Variants in QRICH1 observed in about 807,000 individuals in gnomAD.
QRICH1 encodes the protein glutamine rich 1, also known as transcriptional regulator QRICH1.
QRICH1 carries 16 observed loss-of-function variants against 87.1 expected under a neutral mutation model. The observed-to-expected ratio is 0.18, with a 90% confidence interval of 0.12 to 0.28. QRICH1 has a LOEUF of 0.28. Ranked by LOEUF, QRICH1 falls within the 10% of genes least tolerant of loss-of-function variation. The probability of loss-of-function intolerance (pLI) is 1.00; values close to 1 mark genes in which losing one functional copy is unlikely to be tolerated. For missense variants in QRICH1, 647 were observed against 951.7 expected, an observed-to-expected ratio of 0.68 and a Z score of 4.21; for synonymous variants, 367 against 368.4, an observed-to-expected ratio of 1.00 and a Z score of 0.05.
Position 49,057,396 on chromosome 3 carries a change from C to A in QRICH1, c.804G>T (p.Val268=), listed in dbSNP as rs1158649132. The A allele has an allele frequency of 1.2e-6, 2 of 1,614,160 alleles. No homozygotes were observed. Among genetic ancestry groups the A allele is most frequent in the African/African-American group, 1.3e-5 (1 of 75,050 alleles). Residue 268 remains valine, a synonymous_variant, in exon 3 of 10, where the codon GTG becomes GTT. Transcript: ENST00000395443. This position sits in a 1 kb window ranked among gnomAD's most constrained non-coding sequence, Gnocchi z 5.4. ...GCTGCTGGCCCTGTGGAATGGCCAGCACGGTGGCCACCGGCTGCCCTGAGA... is the reference window on the plus strand; with the variant it reads ...GCTGCTGGCCCTGTGGAATGGCCAGAACGGTGGCCACCGGCTGCCCTGAGA... The part of the protein sequence containing the change: ...YAISGQPVAT[V]LAIPQGQQQS...
chr3:49,030,292 G>T lies in QRICH1; in HGVS notation c.*160C>A. 2 of 694,212 alleles carry T rather than the reference G, an allele frequency of 2.9e-6. No homozygotes were observed. Among genetic ancestry groups the T allele is most frequent in the Non-Finnish European group, 2.3e-6 (1 of 433,048 alleles). 43.0% of individuals were successfully genotyped at this position (694,212 alleles called of 1,614,324 possible). ...GCAGCAGGTTTATGAAGATGCAAAG[G>T]GGGCAAAGTTTTCTTTTATATTTTA... On this transcript the variant is annotated 3_prime_UTR_variant, in exon 10 of 10. Coordinates refer to ENST00000395443, the MANE Select transcript of QRICH1 (RefSeq NM_198880.3).
At chr3:49,080,996 T>TA (rs980247205) in intron 1 of QRICH1, among the ~76,000 whole-genome samples, 1 of 71,526 alleles carries the variant, frequency 1.4e-5, no homozygotes, top group Non-Finnish European at 2.9e-5. Context: ...AAAAAAAGCC[T>TA]AAAAAAATTA....
At chr3:49,086,649 G>A (rs1356489504) in intron 1 of QRICH1, among the ~76,000 whole-genome samples, 2 of 152,106 alleles carry the variant, frequency 1.3e-5, no homozygotes, top group Non-Finnish European at 2.9e-5. Flanking sequence ...TAGAACATAA[G>A]ATGGTACCAT....
chr3:49,082,307 T>C, intron 1 of QRICH1, among the ~76,000 whole-genome samples: 1 of 152,344 alleles, frequency 6.6e-6, no homozygotes, highest in East Asian at 1.9e-4. Flanking sequence ...ATTTTAGTTT[T>C]AGAATACATT....
intron 5 of QRICH1, among the ~76,000 whole-genome samples, chr3:49,045,916 C>CT (rs920814553): frequency 4.9e-4 from 72 of 145,686 alleles, no homozygotes; most frequent in African/African-American, 1.2e-3. Flanking sequence ...CTTTTCTTTT[C>CT]TTTTTTTTTT....
chr3:49,083,496 C>A (rs2042111153), intron 1 of QRICH1: 1 of 152,092 alleles, frequency 6.6e-6, no homozygotes, highest in Admixed American at 6.6e-5. Context: ...ATAGCCACAG[C>A]ACTCCAACCT....
chr3:49,057,897 G>C lies in QRICH1; in HGVS notation c.310-7C>G. On this transcript the variant is annotated splice_region_variant and splice_polypyrimidine_tract_variant and intron_variant, in intron 2 of 9. Transcript: ENST00000395443. The surrounding 1 kb of genome is among the most constrained non-coding windows in gnomAD (Gnocchi z 5.4). ...GCTGTACCTGCACCTGGACCTGTAA[G>C]CAACAAGATTCATCAGTGAGTGAAC... The C allele has an allele frequency of 1.9e-6, 3 of 1,614,050 alleles. No individual in the cohort carries two copies. Among genetic ancestry groups the C allele is most frequent in the Non-Finnish European group, 1.7e-6 (2 of 1,180,008 alleles).
chr3:49,055,312 G>T (rs920570462), intron 3 of QRICH1, among the ~76,000 whole-genome samples: 1 of 152,018 alleles, frequency 6.6e-6, no homozygotes, highest in Non-Finnish European at 1.5e-5. Context: ...TATGCCCACC[G>T]AGGCATAGCA....
At chr3:49,081,970 G>C (rs1020564024) in intron 1 of QRICH1, among the ~76,000 whole-genome samples, 4 of 152,118 alleles carry the variant, frequency 2.6e-5, no homozygotes, top group African/African-American at 9.7e-5. Context: ...ACCATGCCCA[G>C]CTAATTTTTG....
At chr3:49,069,108 T>TA (rs1553745571) in intron 2 of QRICH1, among the ~76,000 whole-genome samples, 53 of 61,110 alleles carry the variant, frequency 8.7e-4, no homozygotes, top group South Asian at 4.6e-3. Context: ...ATTATTATTA[T>TA]TTTTTTTTTT....
At chr3:49,034,704 C>T (rs1275604525) in intron 6 of QRICH1, among the ~76,000 whole-genome samples, 2 of 152,180 alleles carry the variant, frequency 1.3e-5, no homozygotes, top group Non-Finnish European at 2.9e-5. Flanking sequence ...GAGCTAGGTA[C>T]AGGCAAAGGT....
chr3:49,053,627 T>C (rs1185750710), intron 3 of QRICH1, among the ~76,000 whole-genome samples: 2 of 152,064 alleles, frequency 1.3e-5, no homozygotes, highest in African/African-American at 4.8e-5. Flanking sequence ...AGTCATGAGT[T>C]GAAGGGAAAT....
chr3:49,070,193 T>C (rs1204866306), intron 2 of QRICH1, among the ~76,000 whole-genome samples: 2 of 151,926 alleles, frequency 1.3e-5, no homozygotes, highest in Non-Finnish European at 2.9e-5. Context: ...CCTGCCAACA[T>C]GCCCGGCTGA....
At chr3:49,034,169 A>C (rs957687268) in intron 6 of QRICH1, among the ~76,000 whole-genome samples, 1 of 151,622 alleles carries the variant, frequency 6.6e-6, no homozygotes, top group African/African-American at 2.4e-5. Context: ...AAGACCAGGC[A>C]TGGTGGCTCA....
chr3:49,042,828 C>A (rs1478063837), intron 6 of QRICH1, among the ~76,000 whole-genome samples: 1 of 152,128 alleles, frequency 6.6e-6, no homozygotes, highest in Non-Finnish European at 1.5e-5. Context: ...CCATCTCTGC[C>A]TCCCAAAGTG....
chr3:49,069,480 T>C (rs2093488397), intron 2 of QRICH1, among the ~76,000 whole-genome samples: 1 of 150,998 alleles, frequency 6.6e-6, no homozygotes. Context: ...ATAATCTGTG[T>C]GGGCGAGGGG....
At chr3:49,056,676 G>C in intron 3 of QRICH1, 186 bp downstream of exon 3, 1 of 1,123,134 alleles carries the variant, frequency 8.9e-7, no homozygotes, top group South Asian at 1.5e-5. Flanking sequence ...CCAGGTACCA[G>C]GATAAACTCT....
intron 1 of QRICH1, among the ~76,000 whole-genome samples, chr3:49,085,036 G>A (rs1313852171): frequency 1.3e-5 from 2 of 150,982 alleles, no homozygotes; most frequent in Admixed American, 6.6e-5. Context: ...CCAGCTACTC[G>A]GGAGGCTGAG....
At chr3:49,068,466 T>TA (rs879822428) in intron 2 of QRICH1, among the ~76,000 whole-genome samples, 107,559 of 139,488 alleles carry the variant, frequency 0.77, 41,357 homozygotes, top group East Asian at 0.96. Flanking sequence ...TCAAAAAAAT[T>TA]AAAAAAAAAA....
Sources: allele counts gnomAD v4.1 joint callset (sites outside exome capture counted in the v4.1 genomes callset), GRCh38; gene constraint gnomAD v4.1.1; non-coding constraint Gnocchi (gnomAD v3.1); transcripts MANE v1.5; gene names NCBI Gene and HGNC (gene_info 2026-07-23, HGNC 2026-07-21).